Variants in CDH1 observed in about 807,000 individuals in gnomAD.
CDH1 encodes the protein cadherin 1.
A neutral mutation model predicts 84.5 loss-of-function variants in CDH1; 35 were observed. The observed-to-expected ratio is 0.41, with a 90% CI of 0.32 to 0.55. CDH1 has a LOEUF of 0.55. Ranked by LOEUF, CDH1 falls within the 20% of genes least tolerant of loss-of-function variation. CDH1 has a pLI of 0.19. For missense variants in CDH1, 994 were observed against 1,126.6 expected (o/e 0.88, Z 1.68); for synonymous variants, 417 against 439.0 (o/e 0.95, Z 0.63).
chr16:68,755,006 G>A (rs17772363), intron 2 of CDH1, among the ~76,000 whole-genome samples: 2 of 151,938 alleles, frequency 1.3e-5, no homozygotes, highest in African/African-American at 4.8e-5. Flanking sequence ...ACTGGACTGT[G>A]TCAGCTGGGT....
chr16:68,799,777 G>T (rs1458983338), intron 2 of CDH1, among the ~76,000 whole-genome samples: 1 of 152,056 alleles, frequency 6.6e-6, no homozygotes, highest in Non-Finnish European at 1.5e-5. Context: ...ACTTTGGGAG[G>T]CGAGGTGGAT....
chr16:68,738,570 T>C (rs913130542), intron 2 of CDH1, among the ~76,000 whole-genome samples, 159 bp downstream of exon 2: 8 of 152,234 alleles, frequency 5.3e-5, no homozygotes, highest in Non-Finnish European at 1.0e-4. Flanking sequence ...TCCAAACGTT[T>C]ACGACTGAAC....
At chr16:68,817,751 G>A (rs34097301) in intron 10 of CDH1, among the ~76,000 whole-genome samples, 10 of 116,468 alleles carry the variant, frequency 8.6e-5, no homozygotes, top group Non-Finnish European at 1.4e-4. Context: ...ACAAAACAAC[G>A]GCCAGCACAT....
chr16:68,829,537 T>G (rs1181266223), intron 14 of CDH1, 117 bp from the exon 15 acceptor site: 1 of 1,013,776 alleles, frequency 9.9e-7, no homozygotes, highest in Non-Finnish European at 1.5e-6. Flanking sequence ...CTGGTAAAGA[T>G]CATACAGTTG....
chr16:68,771,457 A>T (rs1959569838), intron 2 of CDH1, among the ~76,000 whole-genome samples: 1 of 152,006 alleles, frequency 6.6e-6, no homozygotes, highest in South Asian at 2.1e-4. Flanking sequence ...TGGCTAATTT[A>T]AAAAAATTTT....
At chr16:68,760,102 T>A (rs868153533) in intron 2 of CDH1, among the ~76,000 whole-genome samples, 59 of 134,180 alleles carry the variant, frequency 4.4e-4, no homozygotes, top group South Asian at 1.4e-3. Context: ...TTTTTTTTTT[T>A]AATTTTTTTT....
At chr16:68,759,359 A>G (rs1963100776) in intron 2 of CDH1, among the ~76,000 whole-genome samples, 1 of 152,198 alleles carries the variant, frequency 6.6e-6, no homozygotes, top group African/African-American at 2.4e-5. Context: ...ATTGTTATAC[A>G]ATGACCACAA....
rs587780117 is a variant in CDH1, at chr16:68,801,694, G to A, written c.188G>A (p.Arg63Gln). Residue 63 changes from arginine (R) to glutamine (Q), a missense_variant, in exon 3 of 16, where the codon CGA becomes CAA. By Grantham distance (43) the Arg-to-Gln change is conservative. Around this residue, in one of 3 missense-constraint regions of CDH1, gnomAD observed 203 missense variants for 194.0 expected, o/e 1.05. Transcript: ENST00000261769. Reference protein sequence around the residue: ...GRVNFEDCTGRQRTAYFSLDT... With the variant: ...GRVNFEDCTGQQRTAYFSLDT... ...GTGAATTTTGAAGATTGCACCGGTC[G>A]ACAAAGGACAGCCTATTTTTCCCTC... The A allele has an allele frequency of 3.8e-5, 62 of 1,613,930 alleles. 1 individual carries two copies. The Middle Eastern group carries it at 1.8e-3, about 47-fold the overall frequency.
rs864622630 is a variant in CDH1, at chr16:68,833,452, C to A, written c.2602C>A (p.Arg868Ser). ...DYDYLNEWGNRFKKLADMYGG... is the reference protein window; with the variant it reads ...DYDYLNEWGNSFKKLADMYGG... ...TGACTACTTGAACGAATGGGGCAAT[C>A]GCTTCAAGAAGCTGGCTGACATGTA... Residue 868 changes from arginine (R) to serine (S), a missense_variant, in exon 16 of 16, where the codon CGC becomes AGC. Physicochemically the swap from Arg to Ser is moderately radical, Grantham distance 110 (BLOSUM62 -1). Coordinates refer to ENST00000261769, the MANE Select transcript of CDH1 (RefSeq NM_004360.5). 2 of 1,613,990 alleles carry A rather than the reference C, an allele frequency of 1.2e-6. No homozygotes were observed. Among genetic ancestry groups the A allele is most frequent in the African/African-American group, 2.7e-5 (2 of 74,914 alleles).
At chr16:68,819,187 A>G in intron 10 of CDH1, 93 bp from the exon 11 acceptor site, 2 of 1,426,130 alleles carry the variant, frequency 1.4e-6, no homozygotes, top group East Asian at 4.6e-5. Flanking sequence ...AAACGTTGGA[A>G]GTAACCATAT....
Position 68,792,804 on chromosome 16 carries a change from A to G in CDH1, c.164-8866A>G, listed in dbSNP as rs1960244376. Among the ~76,000 whole-genome samples the G allele has an allele frequency of 2.0e-5, 3 of 152,186 alleles. No homozygotes were observed. The South Asian group carries it at 6.2e-4, about 32-fold the overall frequency. ...AAGGGTCCTGGGCTAATTTTTCCTT[A>G]ATCTTCAATGTCACTGTTTTCTCTC... On this transcript the variant is annotated intron_variant, in intron 2 of 15. Transcript: ENST00000261769.
rs191827668 is a variant in CDH1 at position 68,778,639 on chromosome 16, T to G, written c.164-23031T>G. 7.9e-5 allele frequency among the ~76,000 whole-genome samples: 12 copies of G among 152,172 alleles called. No homozygotes were observed. The East Asian group carries it at 2.3e-3, about 29-fold the overall frequency. ...GACACCTGAGATAAGCTGAATATAT[T>G]GTGTGTGTAATCAGAAGGCAGGCAG... On this transcript the variant is annotated intron_variant, in intron 2 of 15. Coordinates refer to ENST00000261769, the MANE Select transcript of CDH1 (RefSeq NM_004360.5).
intron 7 of CDH1, 134 bp from the exon 8 acceptor site, chr16:68,812,001 G>A (rs887682777): frequency 2.0e-6 from 3 of 1,479,422 alleles, no homozygotes; most frequent in Non-Finnish European, 2.8e-6. Context: ...GTGCCCAGAG[G>A]TTCCGTGCCT....
chr16:68,746,554 C>T (rs1178446530), intron 2 of CDH1, among the ~76,000 whole-genome samples: 1 of 152,178 alleles, frequency 6.6e-6, no homozygotes, highest in Non-Finnish European at 1.5e-5. Flanking sequence ...CCTGGTTGTC[C>T]AGCCCAAGGC....
chr16:68,754,552 C>T (rs116481572), intron 2 of CDH1, among the ~76,000 whole-genome samples: 534 of 152,272 alleles, frequency 3.5e-3, no homozygotes, highest in African/African-American at 0.012. Context: ...GTCATGCACA[C>T]AGGAAGTGGG....
At chr16:68,812,059 C>G in intron 7 of CDH1, 76 bp from the exon 8 acceptor site, 1 of 1,603,328 alleles carries the variant, frequency 6.2e-7, no homozygotes, top group Non-Finnish European at 8.5e-7. Context: ...TATTCTGGTT[C>G]CATGTGTTGG....
chr16:68,787,126 G>A (rs1394227169), intron 2 of CDH1, among the ~76,000 whole-genome samples: 1 of 152,196 alleles, frequency 6.6e-6, no homozygotes, highest in Non-Finnish European at 1.5e-5. Flanking sequence ...ATTGATGCGT[G>A]TTTATATCTG....
chr16:68,743,281 CTCTTTCTTTCTTTCTT>C (rs751271382), intron 2 of CDH1, among the ~76,000 whole-genome samples: 1,912 of 135,658 alleles, frequency 0.014, 158 homozygotes, highest in East Asian at 0.022. Flanking sequence ...CTTGCTGGGT[CTCTTTCTTTCTTTCTT>C]TCTTTCTTTC....
intron 2 of CDH1, among the ~76,000 whole-genome samples, chr16:68,752,948 TCA>T (rs1225284249): frequency 1.3e-5 from 2 of 152,238 alleles, no homozygotes; most frequent in Non-Finnish European, 2.9e-5. Flanking sequence ...TCAGCATCCT[TCA>T]GACCCATGAA....
Sources: allele counts gnomAD v4.1 joint callset (sites outside exome capture counted in the v4.1 genomes callset), GRCh38; gene constraint gnomAD v4.1.1; regional missense constraint gnomAD v4.1.1; transcripts MANE v1.5; gene names NCBI Gene and HGNC (gene_info 2026-07-23, HGNC 2026-07-21).